AR: variants seen among roughly 807,000 people sequenced by gnomAD.
AR encodes the protein androgen receptor, also known as dihydrotestosterone receptor.
In AR, 8 loss-of-function variants were observed where a neutral mutation model predicts 53.9. The ratio of observed to expected loss-of-function variants is 0.15; its 90% CI spans 0.09 to 0.27. The LOEUF (loss-of-function observed/expected upper bound fraction) is 0.27, where lower values mean the gene tolerates loss of function less well. AR is among the 10% of genes least tolerant of loss of function. AR has a pLI of 1.00. For synonymous variants in AR, 359 were observed against 316.4 expected, an observed-to-expected ratio of 1.13 and a Z score of -1.43; for missense variants, 639 against 742.5, an observed-to-expected ratio of 0.86 and a Z score of 1.62.
At chrX:67,590,702 T>C (rs890565920) in intron 1 of AR, among the ~76,000 whole-genome samples, 1 of 112,134 alleles carries the variant, frequency 8.9e-6, no homozygotes, top group African/African-American at 3.2e-5. Context: ...ACTTCTTAAG[T>C]TATCTTCCAG....
chrX:67,715,951 A>C (rs1309360597), intron 4 of AR, among the ~76,000 whole-genome samples: 1 of 111,980 alleles, frequency 8.9e-6, no homozygotes, highest in East Asian at 2.8e-4. Context: ...AACTGTTTCA[A>C]AAACTCCAGG....
At chrX:67,618,203 A>C (rs2147393585) in intron 1 of AR, among the ~76,000 whole-genome samples, 1 of 111,811 alleles carries the variant, frequency 8.9e-6, no homozygotes, top group South Asian at 3.7e-4. Flanking sequence ...GGACAGAGAA[A>C]TAATCTAAGG....
chrX:67,673,043 G>GTT (rs72492037), intron 2 of AR, among the ~76,000 whole-genome samples: 12 of 97,124 alleles, frequency 1.2e-4, no homozygotes, highest in African/African-American at 1.1e-4. Context: ...TAGGGTAAAA[G>GTT]TTTTTTTTTT....
chrX:67,606,888 A>C (rs1475773599), intron 1 of AR, among the ~76,000 whole-genome samples: 2 of 112,512 alleles, frequency 1.8e-5, no homozygotes. Flanking sequence ...AAGGATGGGC[A>C]GAATGTGTTG....
Position 67,648,370 on chromosome X carries a change from G to A in AR, c.1768+4963G>A, listed in dbSNP as rs963772217. ...AACTATATATGAATGAACTTTTCTG[G>A]ATGACACATATATTCCAGATGGTAA... On this transcript the variant is annotated intron_variant, in intron 2 of 7. Transcript: ENST00000374690. Among the ~76,000 whole-genome samples the A allele has an allele frequency of 4.4e-4, 49 of 111,342 alleles. 1 individual carries two copies. Among genetic ancestry groups the A allele is most frequent in the African/African-American group, 1.5e-3 (46 of 30,671 alleles).
intron 1 of AR, among the ~76,000 whole-genome samples, chrX:67,581,465 G>A (rs187997259): frequency 9.0e-6 from 1 of 111,416 alleles, no homozygotes; most frequent in East Asian, 2.8e-4. Context: ...ATCATGTTCA[G>A]GCCTTCTTTC....
At chrX:67,623,128 T>A (rs1469463247) in intron 1 of AR, among the ~76,000 whole-genome samples, 1 of 111,126 alleles carries the variant, frequency 9.0e-6, no homozygotes, top group Non-Finnish European at 1.9e-5. Context: ...TAACCTTACT[T>A]AGAAGGCAAG....
chrX:67,674,777 A>T (rs1336022852), intron 2 of AR, among the ~76,000 whole-genome samples: 1 of 111,209 alleles, frequency 9.0e-6, no homozygotes, highest in Admixed American at 9.5e-5. Flanking sequence ...CCAAGAGTCC[A>T]TTTGGTGCTC....
chrX:67,728,380 T>C lies in AR; in HGVS notation c.*4539T>C, dbSNP rs763067263. On this transcript the variant is annotated 3_prime_UTR_variant, in exon 8 of 8. Coordinates refer to ENST00000374690, the MANE Select transcript of AR (RefSeq NM_000044.6). Reference sequence around the variant, plus strand: ...TAGCCACTGTGTTTGCTAGTGCCCATGTTAGCTTATCTGAAGATGTGAAAC... The same window carrying C: ...TAGCCACTGTGTTTGCTAGTGCCCACGTTAGCTTATCTGAAGATGTGAAAC... 2.0e-5 allele frequency: 3 copies of C among 153,836 alleles called. No homozygotes were observed. Among genetic ancestry groups the C allele is most frequent in the African/African-American group, 9.5e-5 (3 of 31,543 alleles). The allele number at this position is 153,836 out of a possible 1,213,427, so 12.7% of individuals were successfully genotyped here.
intron 1 of AR, among the ~76,000 whole-genome samples, chrX:67,593,548 C>T (rs908540418): frequency 4.5e-5 from 5 of 110,284 alleles, no homozygotes; most frequent in South Asian, 3.9e-4. Context: ...GTCGGGGTTT[C>T]GCCATGTTGG....
intron 3 of AR, among the ~76,000 whole-genome samples, chrX:67,697,335 G>A (rs1042085415): frequency 1.3e-4 from 14 of 111,765 alleles, no homozygotes; most frequent in African/African-American, 4.6e-4. Flanking sequence ...AGTGGAGAAT[G>A]TGGGGCTCAG....
chrX:67,615,986 A>G (rs946636039), intron 1 of AR, among the ~76,000 whole-genome samples: 1 of 111,353 alleles, frequency 9.0e-6, no homozygotes. Flanking sequence ...ATTATCTACA[A>G]CAATTATTAT....
chrX:67,717,397 A>ATC, intron 4 of AR, 81 bp from the exon 5 acceptor site: 4 of 1,158,910 alleles, frequency 3.5e-6, no homozygotes, highest in Non-Finnish European at 4.7e-6. Context: ...ATACCAGAGC[A>ATC]TCTCTGCCCA....
intron 2 of AR, among the ~76,000 whole-genome samples, chrX:67,649,538 T>G (rs753924273): frequency 1.8e-5 from 2 of 112,281 alleles, no homozygotes; most frequent in South Asian, 7.4e-4. Context: ...CAGCATCTGT[T>G]GTTTCCTGAC....
At chrX:67,707,384 C>T (rs2076073367) in intron 3 of AR, among the ~76,000 whole-genome samples, 1 of 111,803 alleles carries the variant, frequency 8.9e-6, no homozygotes. Context: ...ATCCCTTTAC[C>T]ATTATGTAAT....
Position 67,707,148 on chromosome X carries a change from T to C in AR, c.1886-4254T>C, listed in dbSNP as rs2076071963. On this transcript the variant is annotated intron_variant, in intron 3 of 7. Coordinates refer to ENST00000374690, the MANE Select transcript of AR (RefSeq NM_000044.6). ...TGTTGATTTGGGGTGGAGAGTTCTGTATAAGTCTATTAGGTCCACTTGGTA... is the reference window on the plus strand; with the variant it reads ...TGTTGATTTGGGGTGGAGAGTTCTGCATAAGTCTATTAGGTCCACTTGGTA... 2.7e-5 allele frequency among the ~76,000 whole-genome samples: 3 copies of C among 111,973 alleles called. No individual in the cohort carries two copies. In the Admixed American group the frequency reaches 2.9e-4, roughly 11 times the overall value.
intron 1 of AR, among the ~76,000 whole-genome samples, chrX:67,610,443 G>A (rs1358247617): frequency 9.0e-6 from 1 of 110,772 alleles, no homozygotes; most frequent in Admixed American, 9.6e-5. Context: ...AAATTTAGAA[G>A]TTCTCCTACT....
chrX:67,631,390 T>A (rs936442143), intron 1 of AR, among the ~76,000 whole-genome samples: 1 of 112,081 alleles, frequency 8.9e-6, no homozygotes, highest in Admixed American at 9.5e-5. Flanking sequence ...TTCATTCATT[T>A]CATCTTCCAT....
chrX:67,572,135 T>A (rs1291349924), intron 1 of AR, among the ~76,000 whole-genome samples: 1 of 111,729 alleles, frequency 9.0e-6, no homozygotes. Context: ...AGGGTGGATT[T>A]TTCATATAGT....
Sources: allele counts gnomAD v4.1 joint callset (sites outside exome capture counted in the v4.1 genomes callset), GRCh38; gene constraint gnomAD v4.1.1; transcripts MANE v1.5; gene names NCBI Gene and HGNC (gene_info 2026-07-23, HGNC 2026-07-21).